The following SLCO3A1 variants were observed in gnomAD, a reference collection of about 807,000 sequenced individuals.
SLCO3A1 encodes the protein solute carrier organic anion transporter family member 3A1.
Under a neutral mutation model 63.1 loss-of-function variants are expected in SLCO3A1, and 27 were observed. The observed-to-expected ratio is 0.43, with a 90% CI of 0.32 to 0.59. The LOEUF is 0.59. Among genes scored for constraint, SLCO3A1 ranks in the 20% least tolerant of loss-of-function variants. SLCO3A1 has a pLI of 0.09. For missense variants in SLCO3A1, 773 were observed against 945.8 expected, an observed-to-expected ratio of 0.82 and a Z score of 2.40; for synonymous variants, 473 against 409.9, an observed-to-expected ratio of 1.15 and a Z score of -1.86.
At position 91,863,150 on chromosome 15, in the gene SLCO3A1, A is replaced by G. The variant is rs1280514128; in HGVS notation, c.180+9062A>G. ...TGTGTTTATTATGTAAGATTCAATT[A>G]TGGTGATCCAACCTGTAAAATAAAC... On this transcript the variant is annotated intron_variant, in intron 1 of 9. Transcript: ENST00000318445. This position sits in a 1 kb window ranked among gnomAD's most constrained non-coding sequence, Gnocchi z 4.3. 6.6e-6 allele frequency among the ~76,000 whole-genome samples: 1 copy of G among 152,256 alleles called. No homozygotes were observed. The highest frequency in any genetic ancestry group is 2.4e-5 in the African/African-American group (1 of 41,474).
intron 2 of SLCO3A1, among the ~76,000 whole-genome samples, chr15:91,928,763 G>A (rs1899121560): frequency 6.6e-6 from 1 of 152,166 alleles, no homozygotes; most frequent in Non-Finnish European, 1.5e-5. Context: ...ATCAGATAAA[G>A]CATTGCTCCC....
At chr15:92,059,008 C>T (rs559934486) in intron 2 of SLCO3A1, among the ~76,000 whole-genome samples, 3 of 152,330 alleles carry the variant, frequency 2.0e-5, no homozygotes, top group South Asian at 2.1e-4. Flanking sequence ...TTTCCAAATG[C>T]ATCGCACTCA....
At chr15:91,869,970 T>C (rs924485532) in intron 1 of SLCO3A1, among the ~76,000 whole-genome samples, 1 of 152,130 alleles carries the variant, frequency 6.6e-6, no homozygotes, top group Non-Finnish European at 1.5e-5. Context: ...CTGAGGGCTG[T>C]TCACAGAATT....
intron 1 of SLCO3A1, among the ~76,000 whole-genome samples, chr15:91,891,823 A>G (rs1434416649): frequency 3.3e-5 from 5 of 152,230 alleles, no homozygotes; most frequent in Non-Finnish European, 5.9e-5. Context: ...AAAGAGCTGT[A>G]TAGTAAATAT....
Position 92,162,786 on chromosome 15 carries a change from C to G in SLCO3A1, c.1784C>G (p.Ala595Gly), listed in dbSNP as rs780412804. The change falls in exon 10 of 10, where the codon GCT becomes GGT. Residue 595 changes from alanine to glycine, a missense_variant. By Grantham distance (60) the Ala-to-Gly change is moderately conservative. Around this residue, in one of 3 missense-constraint regions of SLCO3A1, gnomAD observed 565 missense variants for 749.8 expected, o/e 0.75. Coordinates refer to ENST00000318445, the MANE Select transcript of SLCO3A1 (RefSeq NM_013272.4). ...ATCCCTCCACCCCTCATCTTCGGGG[C>G]TGGCATCGACTCCACCTGCCTGTTC... ...GFIPPPLIFGAGIDSTCLFWS... is the reference protein window; with the variant it reads ...GFIPPPLIFGGGIDSTCLFWS... 2.1e-5 allele frequency: 34 copies of G among 1,613,650 alleles called. No individual in the cohort carries two copies. Among genetic ancestry groups the G allele is most frequent in the Non-Finnish European group, 2.9e-5 (34 of 1,179,844 alleles).
chr15:92,165,097 T>C lies in SLCO3A1; in HGVS notation c.*1962T>C. 1.1e-5 allele frequency: 11 copies of C among 985,352 alleles called. No homozygotes were observed. Among genetic ancestry groups the C allele is most frequent in the Non-Finnish European group, 1.3e-5 (11 of 829,868 alleles). The allele number at this position is 985,352 out of a possible 1,614,324, so 61.0% of individuals were successfully genotyped here. A position where few individuals can be genotyped will look rare whatever the true frequency, so the allele number is the denominator to read the frequency against. ...CCGAATTTTTAATGAACATTGTAAA[T>C]GAAGAGGCTTGAATGACAGCCCAAA... On this transcript the variant is annotated 3_prime_UTR_variant, in exon 10 of 10. Transcript: ENST00000318445.
chr15:92,136,800 C>G (rs556001034), intron 7 of SLCO3A1, among the ~76,000 whole-genome samples: 28 of 151,860 alleles, frequency 1.8e-4, no homozygotes, highest in Non-Finnish European at 3.5e-4. Flanking sequence ...GTACATCCTT[C>G]TGGATTTTTT....
chr15:91,857,053 TGTGTGTGTGTGTGTGTGA>T (rs1051585740), intron 1 of SLCO3A1, among the ~76,000 whole-genome samples: 4 of 149,076 alleles, frequency 2.7e-5, no homozygotes, highest in African/African-American at 1.0e-4. Context: ...TGTGTGTGTG[TGTGTGTGTGTGTGTGTGA>T]GAGAGAGAGA....
intron 2 of SLCO3A1, among the ~76,000 whole-genome samples, chr15:91,926,596 T>TGTGTGTGTGA: frequency 4.7e-5 from 5 of 105,314 alleles, no homozygotes; most frequent in South Asian, 3.0e-4. Flanking sequence ...TGTGTGTGTG[T>TGTGTGTGTGA]GCGCGCGCGC....
intron 4 of SLCO3A1, among the ~76,000 whole-genome samples, chr15:92,111,826 C>T (rs1042943660): frequency 1.3e-5 from 2 of 152,068 alleles, no homozygotes; most frequent in South Asian, 4.2e-4. Flanking sequence ...AATGAGGGTC[C>T]CTTGAGATGC....
At chr15:92,049,266 A>C (rs1284589563) in intron 2 of SLCO3A1, among the ~76,000 whole-genome samples, 2 of 151,912 alleles carry the variant, frequency 1.3e-5, no homozygotes, top group Non-Finnish European at 2.9e-5. Context: ...CCAGCCCCCA[A>C]CCTTATTAAA....
At chr15:92,056,832 C>T (rs143779003) in intron 2 of SLCO3A1, among the ~76,000 whole-genome samples, 10 of 152,320 alleles carry the variant, frequency 6.6e-5, no homozygotes, top group Admixed American at 2.6e-4. Context: ...TAAATTGCAG[C>T]ATCCAGAGTT....
intron 2 of SLCO3A1, among the ~76,000 whole-genome samples, chr15:92,042,284 C>T (rs7171206): frequency 0.013 from 2,050 of 152,304 alleles, 45 homozygotes; most frequent in African/African-American, 0.048. Context: ...CTACTCAGAT[C>T]ATCTTGCCTA....
Position 92,033,959 on chromosome 15 carries a change from G to A in SLCO3A1, c.647-60922G>A, listed in dbSNP as rs1289424153. 6.6e-6 allele frequency among the ~76,000 whole-genome samples: 1 copy of A among 151,978 alleles called. No homozygotes were observed. Among genetic ancestry groups the A allele is most frequent in the Non-Finnish European group, 1.5e-5 (1 of 68,002 alleles). On this transcript the variant is annotated intron_variant, in intron 2 of 9. Coordinates refer to ENST00000318445, the MANE Select transcript of SLCO3A1 (RefSeq NM_013272.4). The surrounding 1 kb of genome is among the most constrained non-coding windows in gnomAD (Gnocchi z 4.5). Reference sequence around the variant, plus strand: ...CATGGGTGGGACCCAGTGAGGGAGGGGGAGGAGCAGAATGAATGGGGGCGC... The same window carrying A: ...CATGGGTGGGACCCAGTGAGGGAGGAGGAGGAGCAGAATGAATGGGGGCGC...
intron 1 of SLCO3A1, among the ~76,000 whole-genome samples, chr15:91,889,863 A>G (rs1897828132): frequency 6.6e-6 from 1 of 150,968 alleles, no homozygotes; most frequent in Admixed American, 6.6e-5. Context: ...TTTCTGTTAC[A>G]TTTAAGACTA....
At position 92,147,169 on chromosome 15, in the gene SLCO3A1, C is replaced by T. The variant is rs756538030; in HGVS notation, c.1688+10C>T. On this transcript the variant is annotated intron_variant, in intron 8 of 9. Transcript: ENST00000318445. Reference sequence around the variant, plus strand: ...TCATCATCCTCATCAGGTAAGCCCTCGGCACAGCCCCGCCTCTCCTCCTTT... The same window carrying T: ...TCATCATCCTCATCAGGTAAGCCCTTGGCACAGCCCCGCCTCTCCTCCTTT... 1.6e-5 allele frequency: 25 copies of T among 1,602,594 alleles called. No homozygotes were observed. Among genetic ancestry groups the T allele is most frequent in the African/African-American group, 4.0e-5 (3 of 74,342 alleles).
Position 92,143,450 on chromosome 15 carries a change from A to T in SLCO3A1, c.1513-3534A>T, listed in dbSNP as rs1204269736. Among the ~76,000 whole-genome samples, 6 of 4,198 alleles carry T rather than the reference A, an allele frequency of 1.4e-3. 1 individual carries two copies. Among genetic ancestry groups the T allele is most frequent in the East Asian group, 7.1e-3 (1 of 140 alleles). 2.8% of individuals were successfully genotyped at this position (4,198 alleles called of 152,430 possible). A position where few individuals can be genotyped will look rare whatever the true frequency, so the allele number is the denominator to read the frequency against. The stretch of plus-strand genomic sequence containing the variant: ...TATATAATATATATAATATATATAT[A>T]ATATATATAATATATATAAATATAT... On this transcript the variant is annotated intron_variant, in intron 7 of 9. Coordinates refer to ENST00000318445, the MANE Select transcript of SLCO3A1 (RefSeq NM_013272.4).
chr15:92,158,195 C>T (rs1378078138), intron 9 of SLCO3A1, among the ~76,000 whole-genome samples: 3 of 152,142 alleles, frequency 2.0e-5, no homozygotes, highest in African/African-American at 4.8e-5. Flanking sequence ...AAGGGCTGCC[C>T]GCTTTGCAAA....
intron 4 of SLCO3A1, among the ~76,000 whole-genome samples, chr15:92,114,143 T>C (rs207954): frequency 0.69 from 104,600 of 151,932 alleles, 36,528 homozygotes; most frequent in Admixed American, 0.79. Flanking sequence ...GGGAACTGAC[T>C]TAACAAATAA....
Sources: gnomAD v4.1 joint callset for allele counts (sites outside exome capture counted in the v4.1 genomes callset) on GRCh38, gnomAD v4.1.1 for gene constraint, gnomAD v4.1.1 regional missense constraint, Gnocchi (gnomAD v3.1) non-coding constraint, MANE v1.5 for transcripts, NCBI Gene and HGNC (gene_info 2026-07-23, HGNC 2026-07-21) for gene names.